FBXL7: variants seen among roughly 807,000 people sequenced by gnomAD.
FBXL7 encodes the protein F-box and leucine rich repeat protein 7.
FBXL7 carries 12 observed loss-of-function variants against 38.3 expected under a neutral mutation model. That is an observed-to-expected ratio of 0.31 (90% CI 0.20 to 0.51). The LOEUF is 0.51. Ranked by LOEUF, FBXL7 falls within the 20% of genes least tolerant of loss-of-function variation. The probability of loss-of-function intolerance (pLI) is 0.98; values close to 1 mark genes in which losing one functional copy is unlikely to be tolerated. For synonymous variants in FBXL7, 297 were observed against 300.9 expected (o/e 0.99, Z 0.13); for missense variants, 567 against 676.4 (o/e 0.84, Z 1.79).
intron 2 of FBXL7, among the ~76,000 whole-genome samples, chr5:15,713,215 A>C (rs1743933086): frequency 6.6e-6 from 1 of 152,226 alleles, no homozygotes; most frequent in Non-Finnish European, 1.5e-5. Flanking sequence ...GGCAGCAGGC[A>C]AGAGAGAATG....
rs147799986 is a variant in FBXL7, at chr5:15,716,233, T to C, written c.127+100161T>C. ...TTGAGATGAAGATTTGCTTAGCAGA[T>C]GACATGCTGTACAGACAATGTGATT... is the stretch of plus-strand genomic sequence containing the variant. On this transcript the variant is annotated intron_variant, in intron 2 of 3. Coordinates refer to ENST00000504595, the MANE Select transcript of FBXL7 (RefSeq NM_012304.5). 2.3e-3 allele frequency among the ~76,000 whole-genome samples: 350 copies of C among 152,330 alleles called. 3 individuals carry two copies. The highest frequency in any genetic ancestry group is 8.0e-3 in the African/African-American group (334 of 41,574).
intron 2 of FBXL7, among the ~76,000 whole-genome samples, chr5:15,637,967 AG>A (rs1293943336): frequency 5.3e-5 from 8 of 152,210 alleles, no homozygotes; most frequent in Non-Finnish European, 2.9e-5. Flanking sequence ...GGGAAGTATA[AG>A]CTCCTGACAA....
chr5:15,680,735 AG>A (rs1436272889), intron 2 of FBXL7, among the ~76,000 whole-genome samples: 1 of 152,196 alleles, frequency 6.6e-6, no homozygotes, highest in Non-Finnish European at 1.5e-5. Flanking sequence ...TTCTGAAAAA[AG>A]TTTTAGGATG....
At chr5:15,668,095 G>C (rs1261698459) in intron 2 of FBXL7, among the ~76,000 whole-genome samples, 2 of 152,132 alleles carry the variant, frequency 1.3e-5, no homozygotes, top group Non-Finnish European at 2.9e-5. Flanking sequence ...CCATACTGCA[G>C]ATCCAACCTG....
At chr5:15,745,838 T>G (rs115513589) in intron 2 of FBXL7, among the ~76,000 whole-genome samples, 1 of 152,176 alleles carries the variant, frequency 6.6e-6, no homozygotes, top group Non-Finnish European at 1.5e-5. Flanking sequence ...ATGGAATCCA[T>G]TGGAGAGTTT....
At chr5:15,585,800 G>A (rs1416083755) in intron 1 of FBXL7, among the ~76,000 whole-genome samples, 1 of 152,194 alleles carries the variant, frequency 6.6e-6, no homozygotes, top group African/African-American at 2.4e-5. Context: ...CCATTGGTAT[G>A]CATTACACAT....
At chr5:15,813,455 C>T (rs1301783698) in intron 2 of FBXL7, among the ~76,000 whole-genome samples, 1 of 152,052 alleles carries the variant, frequency 6.6e-6, no homozygotes, top group Admixed American at 6.6e-5. Flanking sequence ...ACATGTAAGA[C>T]CTAAAACCTT....
intron 2 of FBXL7, among the ~76,000 whole-genome samples, chr5:15,656,385 A>G (rs1428491844): frequency 1.3e-5 from 2 of 152,198 alleles, no homozygotes; most frequent in Non-Finnish European, 2.9e-5. Context: ...ACAGTTCCAC[A>G]TGGCTGGGGA....
intron 2 of FBXL7, among the ~76,000 whole-genome samples, chr5:15,681,561 A>T (rs562328305): frequency 6.6e-6 from 1 of 152,314 alleles, no homozygotes; most frequent in African/African-American, 2.4e-5. Context: ...TGTTAGTAGT[A>T]TTTACCAGTG....
chr5:15,812,010 T>C (rs1334497402), intron 2 of FBXL7, among the ~76,000 whole-genome samples: 1 of 152,168 alleles, frequency 6.6e-6, no homozygotes, highest in African/African-American at 2.4e-5. Flanking sequence ...GGATTATAAA[T>C]CATTCTACTC....
intron 2 of FBXL7, among the ~76,000 whole-genome samples, chr5:15,879,752 A>G (rs1448194708): frequency 2.6e-5 from 4 of 152,196 alleles, no homozygotes; most frequent in Non-Finnish European, 4.4e-5. Context: ...TACTGTGAAC[A>G]AGACCAAAAA....
At chr5:15,682,217 A>AC (rs1244097116) in intron 2 of FBXL7, among the ~76,000 whole-genome samples, 1 of 152,232 alleles carries the variant, frequency 6.6e-6, no homozygotes, top group Non-Finnish European at 1.5e-5. Flanking sequence ...CAAAATTGCC[A>AC]CAGAATAAGA....
At chr5:15,927,785 A>AAAAT in intron 2 of FBXL7, 105 bp from the exon 3 acceptor site, 5 of 801,034 alleles carry the variant, frequency 6.2e-6, no homozygotes, top group African/African-American at 2.6e-5. Flanking sequence ...AAAAAAAAAA[A>AAAAT]AAGAAGAAGA....
At chr5:15,839,672 T>C (rs1177264132) in intron 2 of FBXL7, among the ~76,000 whole-genome samples, 1 of 152,188 alleles carries the variant, frequency 6.6e-6, no homozygotes, top group Non-Finnish European at 1.5e-5. Flanking sequence ...AAAATAGTAA[T>C]AAAGGCGTTA....
intron 2 of FBXL7, among the ~76,000 whole-genome samples, chr5:15,626,583 C>T (rs968985408): frequency 1.8e-5 from 2 of 111,960 alleles, no homozygotes; most frequent in African/African-American, 6.5e-5. Flanking sequence ...TATGTGTACA[C>T]CATGCACTTA....
intron 1 of FBXL7, among the ~76,000 whole-genome samples, chr5:15,549,423 T>G (rs181190842): frequency 2.3e-4 from 35 of 152,258 alleles, no homozygotes; most frequent in Middle Eastern, 3.4e-3. Context: ...ACCACCTTGA[T>G]TTAGTAAATT....
At chr5:15,778,494 G>C (rs1736915336) in intron 2 of FBXL7, among the ~76,000 whole-genome samples, 1 of 152,080 alleles carries the variant, frequency 6.6e-6, no homozygotes, top group Non-Finnish European at 1.5e-5. Flanking sequence ...AGACTAATTA[G>C]TTAAGAATAT....
intron 2 of FBXL7, among the ~76,000 whole-genome samples, chr5:15,622,393 C>T (rs1175416419): frequency 2.0e-5 from 3 of 151,922 alleles, no homozygotes; most frequent in South Asian, 2.1e-4. Flanking sequence ...CCCATTAACT[C>T]GTCATTTACA....
intron 1 of FBXL7, among the ~76,000 whole-genome samples, chr5:15,562,927 T>C (rs954748164): frequency 1.3e-5 from 2 of 152,164 alleles, no homozygotes; most frequent in Non-Finnish European, 2.9e-5. Flanking sequence ...TGAATTGTTA[T>C]GCAGAAAGGA....
Sources: allele counts gnomAD v4.1 joint callset (sites outside exome capture counted in the v4.1 genomes callset), GRCh38; gene constraint gnomAD v4.1.1; transcripts MANE v1.5; gene names NCBI Gene and HGNC (gene_info 2026-07-23, HGNC 2026-07-21).